Variants in SP2 observed in about 807,000 individuals in gnomAD.
SP2 encodes the protein transcription factor Sp2.
A neutral mutation model predicts 50.1 loss-of-function variants in SP2; 9 were observed. The ratio of observed to expected loss-of-function variants is 0.18; its 90% confidence interval spans 0.11 to 0.31. The LOEUF is 0.31. Ranked by LOEUF, SP2 falls within the 10% of genes least tolerant of loss-of-function variation. The pLI is 1.00. For missense variants in SP2, 581 were observed against 806.5 expected, an observed-to-expected ratio of 0.72 and a Z score of 3.39; for synonymous variants, 313 against 326.6, an observed-to-expected ratio of 0.96 and a Z score of 0.45.
Position 47,916,887 on chromosome 17 carries a change from C to G in SP2, c.816C>G (p.Thr272=). The change falls in exon 3 of 7, where the codon ACC becomes ACG. Residue 272 remains threonine (T), a synonymous_variant. Coordinates refer to ENST00000376741, the MANE Select transcript of SP2 (RefSeq NM_003110.6). This position sits in a 1 kb window ranked among gnomAD's most constrained non-coding sequence, Gnocchi z 4.7. The stretch of plus-strand genomic sequence containing the variant: ...AGGTGGAGACGGTGCTGATCGAGAC[C>G]ACCGCGGACAACATCATCCAGGCAG... ...AEQVETVLIE[T]TADNIIQAGN... 6.2e-7 allele frequency: 1 copy of G among 1,614,192 alleles called. No individual in the cohort carries two copies.
intron 1 of SP2, among the ~76,000 whole-genome samples, chr17:47,900,560 T>G (rs1371255836): frequency 1.3e-5 from 2 of 152,120 alleles, no homozygotes; most frequent in African/African-American, 4.8e-5. Flanking sequence ...GCAGATCACT[T>G]AAGGTCAGGA....
chr17:47,901,763 C>T (rs551230934), intron 1 of SP2, among the ~76,000 whole-genome samples: 1 of 152,208 alleles, frequency 6.6e-6, no homozygotes, highest in East Asian at 1.9e-4. Context: ...TGACCTAGTG[C>T]CAGGATATGC....
intron 1 of SP2, among the ~76,000 whole-genome samples, chr17:47,907,555 A>G (rs73321689): frequency 0.035 from 5,274 of 152,212 alleles, 288 homozygotes; most frequent in African/African-American, 0.12. Context: ...ACTTAATGAA[A>G]AGTCTGAATG....
Position 47,923,230 on chromosome 17 carries a change from G to A in SP2, c.1328G>A (p.Gly443Asp). 6.2e-7 allele frequency: 1 copy of A among 1,610,776 alleles called. No homozygotes were observed. The highest frequency in any genetic ancestry group is 1.1e-5 in the South Asian group (1 of 91,084). ...AQAMQTININ[G>D]VQVQGVPVTI... The stretch of plus-strand genomic sequence containing the variant: ...GCAATGCAGACCATCAACATCAATG[G>A]TGTCCAGGTCCAGGGCGTGCCTGTC... The change falls in exon 4 of 7, where the codon GGT (glycine) becomes GAT (aspartate). Residue 443 changes from glycine to aspartate, a missense_variant. Physicochemically the swap from Gly to Asp is moderately conservative, Grantham distance 94. Transcript: ENST00000376741.
In SP2 at chr17:47,922,974, A is replaced by T; in HGVS notation, c.1072A>T (p.Thr358Ser). 1.2e-6 allele frequency: 2 copies of T among 1,611,756 alleles called. No individual in the cohort carries two copies. Among genetic ancestry groups the T allele is most frequent in the African/African-American group, 2.7e-5 (2 of 74,840 alleles). The change falls in exon 4 of 7, where the codon ACG becomes TCG. Residue 358 changes from threonine (T) to serine (S), a missense_variant. Transcript: ENST00000376741. Reference protein sequence around the residue: ...EPTPTQVYIRTPSGEVQTVLV... With the variant: ...EPTPTQVYIRSPSGEVQTVLV... ...TGGCCCCTCCCAGGTCTACATCCGC[A>T]CGCCTTCCGGTGAGGTGCAGACAGT... is the stretch of plus-strand genomic sequence containing the variant.
intron 1 of SP2, among the ~76,000 whole-genome samples, chr17:47,912,676 C>T (rs1162492839): frequency 6.6e-6 from 1 of 151,770 alleles, no homozygotes; most frequent in Non-Finnish European, 1.5e-5. Flanking sequence ...AATTCCTGGC[C>T]TCAAGCAATC....
At chr17:47,919,721 A>G (rs1458022964) in intron 3 of SP2, among the ~76,000 whole-genome samples, 1 of 150,846 alleles carries the variant, frequency 6.6e-6, no homozygotes, top group Non-Finnish European at 1.5e-5. Flanking sequence ...TGTTTTCACC[A>G]CTTGCCCCAC....
intron 3 of SP2, among the ~76,000 whole-genome samples, chr17:47,921,749 C>G (rs932591176): frequency 3.3e-5 from 5 of 152,196 alleles, no homozygotes; most frequent in Non-Finnish European, 5.9e-5. Flanking sequence ...ACCCTGGAAT[C>G]AGCTATTTCT....
intron 1 of SP2, chr17:47,898,749 T>A (rs1002505789): frequency 1.3e-5 from 2 of 152,164 alleles, no homozygotes; most frequent in African/African-American, 4.8e-5. Flanking sequence ...ATGTAGAGAG[T>A]TACAGAGTTT....
intron 1 of SP2, among the ~76,000 whole-genome samples, chr17:47,902,664 C>G (rs1390303965): frequency 6.6e-6 from 1 of 152,232 alleles, no homozygotes; most frequent in African/African-American, 2.4e-5. Flanking sequence ...GATGAAGTTA[C>G]TATTCATTCA....
At chr17:47,926,745 G>A (rs943089333) in intron 6 of SP2, among the ~76,000 whole-genome samples, 5 of 151,836 alleles carry the variant, frequency 3.3e-5, no homozygotes, top group Admixed American at 6.6e-5. Flanking sequence ...GCAATATAGC[G>A]GGAGCCCATC....
rs1452300532 is a variant in SP2 at position 47,928,701 on chromosome 17, T to C, written c.*877T>C. ...CACCTCACCCCTGCCCGGCCCAAGCTCTACTTGTGTACAGTGTATATTGTA... is the reference window on the plus strand; with the variant it reads ...CACCTCACCCCTGCCCGGCCCAAGCCCTACTTGTGTACAGTGTATATTGTA... On this transcript the variant is annotated 3_prime_UTR_variant, in exon 7 of 7. Coordinates refer to ENST00000376741, the MANE Select transcript of SP2 (RefSeq NM_003110.6). The C allele has an allele frequency of 6.5e-6, 1 of 152,742 alleles. No individual in the cohort carries two copies. Among genetic ancestry groups the C allele is most frequent in the Non-Finnish European group, 1.5e-5 (1 of 68,070 alleles). 9.5% of individuals were successfully genotyped at this position (152,742 alleles called of 1,614,324 possible).
intron 6 of SP2, among the ~76,000 whole-genome samples, chr17:47,926,829 A>G (rs564039630): frequency 1.4e-4 from 21 of 152,260 alleles, no homozygotes; most frequent in Non-Finnish European, 2.6e-4. Flanking sequence ...CCACACATAC[A>G]CTTTGGCAAA....
intron 6 of SP2, among the ~76,000 whole-genome samples, chr17:47,927,401 C>T (rs1302164601): frequency 2.6e-5 from 4 of 151,830 alleles, no homozygotes; most frequent in Non-Finnish European, 4.4e-5. Flanking sequence ...GGTGCAGTGG[C>T]GGGCATCTGT....
At chr17:47,913,222 TG>T (rs2035060805) in intron 1 of SP2, among the ~76,000 whole-genome samples, 1 of 151,896 alleles carries the variant, frequency 6.6e-6, no homozygotes. Context: ...CCTTTTTGTT[TG>T]TTTTTTTTTT....
chr17:47,900,093 A>C (rs1258191340), intron 1 of SP2: 2 of 152,234 alleles, frequency 1.3e-5, no homozygotes, highest in Non-Finnish European at 2.9e-5. Flanking sequence ...CTGAGATACC[A>C]GTTTGTCCCT....
At chr17:47,917,933 C>T (rs976779879) in intron 3 of SP2, 1 of 241,288 alleles carries the variant, frequency 4.1e-6, no homozygotes, top group East Asian at 1.6e-4. Context: ...TAATTGTGCC[C>T]ATGTTGCAGA....
Position 47,928,334 on chromosome 17 carries a change from C to G in SP2, c.*510C>G, listed in dbSNP as rs2035735738. On this transcript the variant is annotated 3_prime_UTR_variant, in exon 7 of 7. Transcript: ENST00000376741. ...TCCATGTGCCCAGCCCCGCCACAAC[C>G]TCTCCTCCAGCACATTCCAGCTCTA... 1 of 158,344 alleles carries G rather than the reference C, an allele frequency of 6.3e-6. No homozygotes were observed. Among genetic ancestry groups the G allele is most frequent in the Admixed American group, 6.3e-5 (1 of 15,874 alleles). The allele number at this position is 158,344 out of a possible 1,614,324, so 9.8% of individuals were successfully genotyped here.
At chr17:47,925,324 C>T (rs1289237515) in intron 5 of SP2, 24 bp from the exon 6 acceptor site, 17 of 1,601,084 alleles carry the variant, frequency 1.1e-5, no homozygotes, top group Non-Finnish European at 1.5e-5. Context: ...ATTCCCTCCA[C>T]TCCACCCTCA....
Sources: gnomAD v4.1 joint callset for allele counts (sites outside exome capture counted in the v4.1 genomes callset) on GRCh38, gnomAD v4.1.1 for gene constraint, Gnocchi (gnomAD v3.1) non-coding constraint, MANE v1.5 for transcripts, NCBI Gene and HGNC (gene_info 2026-07-23, HGNC 2026-07-21) for gene names.